The following PLPPR1 variants were observed in gnomAD, a reference collection of about 807,000 sequenced individuals.
The protein encoded by PLPPR1 is phospholipid phosphatase-related protein type 1.
PLPPR1 carries 10 observed loss-of-function variants against 33.1 expected under a neutral mutation model. That is an observed-to-expected ratio of 0.30 (90% CI 0.19 to 0.51). PLPPR1 has a LOEUF of 0.51. PLPPR1 is among the 20% of genes least tolerant of loss of function. The probability of loss-of-function intolerance (pLI) is 0.97; values close to 1 mark genes in which losing one functional copy is unlikely to be tolerated. For missense variants in PLPPR1, 304 were observed against 408.1 expected (o/e 0.74, Z 2.20); for synonymous variants, 151 against 151.0 (o/e 1.00, Z 0.00).
chr9:101,225,584 C>A (rs1012961268), intron 2 of PLPPR1, among the ~76,000 whole-genome samples: 3 of 152,116 alleles, frequency 2.0e-5, no homozygotes, highest in Non-Finnish European at 4.4e-5. Context: ...CGGGAGCATG[C>A]AGTGAAAATA....
intron 1 of PLPPR1, among the ~76,000 whole-genome samples, chr9:101,108,818 G>C (rs1831011893): frequency 6.6e-6 from 1 of 152,044 alleles, no homozygotes; most frequent in Non-Finnish European, 1.5e-5. Context: ...TTTATAAAAT[G>C]TGTTTTTATG....
chr9:101,301,050 A>G lies in PLPPR1; in HGVS notation c.386-8161A>G, dbSNP rs189052180. Among the ~76,000 whole-genome samples, 774 of 152,288 alleles carry G rather than the reference A, an allele frequency of 5.1e-3. 2 individuals carry two copies. Among genetic ancestry groups the G allele is most frequent in the African/African-American group, 0.017 (722 of 41,562 alleles). ...TAATTTTATGCTTTGAGGAAGTAAA[A>G]ATGTATTTGTTTGTTCTTTTGTTTA... On this transcript the variant is annotated intron_variant, in intron 4 of 7. Coordinates refer to ENST00000374874, the MANE Select transcript of PLPPR1 (RefSeq NM_207299.2).
chr9:101,226,880 G>A (rs546003514), intron 2 of PLPPR1, among the ~76,000 whole-genome samples: 1 of 152,228 alleles, frequency 6.6e-6, no homozygotes, highest in African/African-American at 2.4e-5. Context: ...TAGAAAAGAG[G>A]AACAAAATGA....
At chr9:101,277,766 G>A (rs1480984009) in intron 3 of PLPPR1, among the ~76,000 whole-genome samples, 1 of 152,140 alleles carries the variant, frequency 6.6e-6, no homozygotes. Context: ...CCTTACTCCA[G>A]GACTGGGCAC....
chr9:101,248,113 T>G (rs1001485950), intron 2 of PLPPR1, among the ~76,000 whole-genome samples: 2 of 152,052 alleles, frequency 1.3e-5, no homozygotes, highest in Non-Finnish European at 2.9e-5. Context: ...GCTCCCTGAC[T>G]ACTCACCCTA....
chr9:101,146,172 C>T (rs1831519005), intron 1 of PLPPR1, among the ~76,000 whole-genome samples: 1 of 152,064 alleles, frequency 6.6e-6, no homozygotes, highest in African/African-American at 2.4e-5. Context: ...GTGTCTCTTG[C>T]TTTGAGGAAC....
chr9:101,149,938 T>TTGACTTC (rs1257421767), intron 1 of PLPPR1, among the ~76,000 whole-genome samples: 1 of 152,154 alleles, frequency 6.6e-6, no homozygotes, highest in African/African-American at 2.4e-5. Context: ...AGGATTCCCT[T>TTGACTTC]TGACTTCTAC....
intron 1 of PLPPR1, among the ~76,000 whole-genome samples, chr9:101,048,431 C>T (rs779525362): frequency 3.3e-5 from 5 of 152,260 alleles, no homozygotes; most frequent in Middle Eastern, 3.4e-3. Flanking sequence ...AGCCCTTGGG[C>T]CTCTCAGAAA....
intron 1 of PLPPR1, among the ~76,000 whole-genome samples, chr9:101,129,014 A>G (rs1328571344): frequency 6.6e-6 from 1 of 152,144 alleles, no homozygotes; most frequent in Admixed American, 6.5e-5. Flanking sequence ...TCCTTCTTAT[A>G]TCTCACAGAT....
At chr9:101,281,625 G>A (rs1363794300) in intron 3 of PLPPR1, among the ~76,000 whole-genome samples, 3 of 151,564 alleles carry the variant, frequency 2.0e-5, no homozygotes, top group Non-Finnish European at 4.4e-5. Context: ...ATAGAGACTA[G>A]AAAAACAATA....
chr9:101,240,122 T>C (rs1428798765), intron 2 of PLPPR1, among the ~76,000 whole-genome samples: 1 of 152,022 alleles, frequency 6.6e-6, no homozygotes, highest in Non-Finnish European at 1.5e-5. Context: ...GGAGATCCAG[T>C]TTTTTTCTGC....
intron 3 of PLPPR1, among the ~76,000 whole-genome samples, chr9:101,281,867 C>T (rs546989745): frequency 1.3e-5 from 2 of 152,150 alleles, no homozygotes; most frequent in Non-Finnish European, 2.9e-5. Flanking sequence ...ACACACCCTA[C>T]CCAAGATTAA....
At chr9:101,198,721 C>T (rs974777535) in intron 2 of PLPPR1, among the ~76,000 whole-genome samples, 2 of 152,056 alleles carry the variant, frequency 1.3e-5, no homozygotes, top group Admixed American at 1.3e-4. Context: ...AGGTGGTATT[C>T]AAGTGAAGGC....
At chr9:101,173,859 G>T (rs1825981812) in intron 1 of PLPPR1, among the ~76,000 whole-genome samples, 1 of 152,126 alleles carries the variant, frequency 6.6e-6, no homozygotes, top group East Asian at 1.9e-4. Context: ...GAGGATAGAA[G>T]CCGGCAATAT....
intron 2 of PLPPR1, among the ~76,000 whole-genome samples, chr9:101,229,988 T>G (rs1464822020): frequency 6.6e-6 from 1 of 152,192 alleles, no homozygotes; most frequent in East Asian, 1.9e-4. Flanking sequence ...ATTACTGTAA[T>G]TTTGACTACT....
intron 3 of PLPPR1, among the ~76,000 whole-genome samples, chr9:101,282,905 A>G (rs758347798): frequency 6.6e-6 from 1 of 152,234 alleles, no homozygotes; most frequent in African/African-American, 2.4e-5. Context: ...GAATGGGAAG[A>G]TATTCTATGT....
chr9:101,231,345 TATAA>T (rs1338117913), intron 2 of PLPPR1, among the ~76,000 whole-genome samples: 1 of 146,372 alleles, frequency 6.8e-6, no homozygotes, highest in Non-Finnish European at 1.5e-5. Context: ...GTCTCCTGGC[TATAA>T]ATGAGATCGT....
intron 1 of PLPPR1, among the ~76,000 whole-genome samples, chr9:101,040,735 G>A (rs1345465818): frequency 6.6e-6 from 1 of 152,042 alleles, no homozygotes; most frequent in Non-Finnish European, 1.5e-5. Context: ...CATTAGTACT[G>A]ATAAATGCCT....
intron 2 of PLPPR1, among the ~76,000 whole-genome samples, chr9:101,231,848 T>C (rs1367905669): frequency 1.3e-5 from 2 of 152,108 alleles, no homozygotes; most frequent in Non-Finnish European, 2.9e-5. Flanking sequence ...AAACCAAGTT[T>C]ATGCTAATCC....
Sources: allele counts gnomAD v4.1 joint callset (sites outside exome capture counted in the v4.1 genomes callset), GRCh38; gene constraint gnomAD v4.1.1; transcripts MANE v1.5; gene names NCBI Gene and HGNC (gene_info 2026-07-23, HGNC 2026-07-21).